MAF: variants seen among roughly 807,000 people sequenced by gnomAD.
MAF encodes MAF bZIP transcription factor, also known as transcription factor Maf.
In MAF, 10 loss-of-function variants were observed where a neutral mutation model predicts 22.0. The ratio of observed to expected loss-of-function variants is 0.45; its 90% confidence interval spans 0.28 to 0.77. The LOEUF (loss-of-function observed/expected upper bound fraction) is 0.77, where lower values mean the gene tolerates loss of function less well. Among genes scored for constraint, MAF ranks in the 30% least tolerant of loss-of-function variants. The pLI, the probability that MAF is intolerant of heterozygous loss-of-function variation, is 0.12. For synonymous variants in MAF, 337 were observed against 255.8 expected (o/e 1.32, Z -3.03); for missense variants, 544 against 548.4 (o/e 0.99, Z 0.08).
At chr16:79,303,839 G>A in the MAF span, among the ~76,000 whole-genome samples, 8 of 152,106 alleles carry the variant, frequency 5.3e-5, no homozygotes, top group African/African-American at 1.9e-4. Context: ...TTCATGTTTA[G>A]GATCTATCAA....
the MAF span, among the ~76,000 whole-genome samples, chr16:79,398,010 G>C: frequency 6.6e-6 from 1 of 152,218 alleles, no homozygotes; most frequent in Non-Finnish European, 1.5e-5. Flanking sequence ...GAGATCAGAA[G>C]TCTGACCTGG....
At chr16:79,386,111 A>G in the MAF span, among the ~76,000 whole-genome samples, 1 of 152,208 alleles carries the variant, frequency 6.6e-6, no homozygotes, top group Non-Finnish European at 1.5e-5. Context: ...TTTTGGCACC[A>G]GGGACTGGTT....
the MAF span, among the ~76,000 whole-genome samples, chr16:79,531,632 C>T: frequency 2.0e-5 from 3 of 152,052 alleles, no homozygotes; most frequent in Non-Finnish European, 2.9e-5. Context: ...CCCTTGCATA[C>T]GCAGTTCACA....
chr16:79,475,061 C>G, the MAF span, among the ~76,000 whole-genome samples: 2 of 152,200 alleles, frequency 1.3e-5, no homozygotes, highest in Non-Finnish European at 2.9e-5. Context: ...TTGGCCTCAC[C>G]AGGCATCCCG....
the MAF span, among the ~76,000 whole-genome samples, chr16:79,460,608 C>T: frequency 6.6e-6 from 1 of 152,120 alleles, no homozygotes; most frequent in African/African-American, 2.4e-5. Context: ...TTAATTCTTC[C>T]ATGCAATGTT....
chr16:79,407,084 G>T, the MAF span, among the ~76,000 whole-genome samples: 2 of 152,222 alleles, frequency 1.3e-5, no homozygotes, highest in East Asian at 3.9e-4. Context: ...ATGCGAGGTT[G>T]GCACCAGGGA....
chr16:79,543,828 A>G, the MAF span, among the ~76,000 whole-genome samples: 1 of 152,024 alleles, frequency 6.6e-6, no homozygotes, highest in Non-Finnish European at 1.5e-5. Context: ...CTGGGACTAC[A>G]GGCGCCTACC....
intron 1 of MAF, chr16:79,597,419 T>A (rs959449867): frequency 9.7e-7 from 1 of 1,030,466 alleles, no homozygotes; most frequent in Non-Finnish European, 1.2e-6. Context: ...TTTTAAAAAA[T>A]AAATTTTAGA....
chr16:79,353,872 C>T, the MAF span, among the ~76,000 whole-genome samples: 1 of 152,142 alleles, frequency 6.6e-6, no homozygotes, highest in Admixed American at 6.5e-5. Flanking sequence ...CACCTAAAGC[C>T]CTCCTTCAGT....
the MAF span, among the ~76,000 whole-genome samples, chr16:79,572,594 T>C: frequency 2.0e-5 from 3 of 152,230 alleles, no homozygotes; most frequent in Non-Finnish European, 4.4e-5. Context: ...AAATGAATTC[T>C]AGGCAGAAGT....
the MAF span, among the ~76,000 whole-genome samples, chr16:79,545,479 A>T: frequency 2.0e-5 from 3 of 152,000 alleles, no homozygotes; most frequent in Non-Finnish European, 4.4e-5. Context: ...TTGCATGCCT[A>T]TGAAGATGGA....
At chr16:79,543,670 CTTTTTCTTTTTTTT>C in the MAF span, among the ~76,000 whole-genome samples, 47 of 144,394 alleles carry the variant, frequency 3.3e-4, no homozygotes, top group Middle Eastern at 3.6e-3. Context: ...GCCCTCTTTT[CTTTTTCTTTTTTTT>C]TTTTTCTTTT....
chr16:79,599,324 G>T lies in MAF; in HGVS notation c.579C>A (p.His193Gln). The T allele has an allele frequency of 3.0e-6, 3 of 986,340 alleles. No individual in the cohort carries two copies. The highest frequency in any genetic ancestry group is 3.6e-6 in the Non-Finnish European group (3 of 832,188). 61.1% of individuals were successfully genotyped at this position (986,340 alleles called of 1,614,324 possible). A position where few individuals can be genotyped will look rare whatever the true frequency, so the allele number is the denominator to read the frequency against. ...CGCCGGGCGCGCCGGCCGTCGGGTGGTGGTGGTGGCCGGCGGCGTGGTGGT... is the reference window on the plus strand; with the variant it reads ...CGCCGGGCGCGCCGGCCGTCGGGTGTTGGTGGTGGCCGGCGGCGTGGTGGT... Reference protein sequence around the residue: ...HHHHHAAGHHHHPTAGAPGAA... With the variant: ...HHHHHAAGHHQHPTAGAPGAA... Residue 193 changes from histidine to glutamine, a missense_variant, in exon 1 of 2, where the codon CAC becomes CAA. Coordinates refer to ENST00000326043, the MANE Select transcript of MAF (RefSeq NM_005360.5).
chr16:79,549,649 C>T, the MAF span, among the ~76,000 whole-genome samples: 1 of 152,082 alleles, frequency 6.6e-6, no homozygotes, highest in African/African-American at 2.4e-5. Context: ...GAAAATGATC[C>T]CCGTTGGTTC....
the MAF span, among the ~76,000 whole-genome samples, chr16:79,528,892 G>A: frequency 6.6e-6 from 1 of 152,060 alleles, no homozygotes; most frequent in African/African-American, 2.4e-5. Context: ...CTTCCCTTTC[G>A]TCCCATCTAG....
At chr16:79,306,470 T>C in the MAF span, among the ~76,000 whole-genome samples, 1 of 152,160 alleles carries the variant, frequency 6.6e-6, no homozygotes, top group Non-Finnish European at 1.5e-5. Flanking sequence ...CCACGGAGCA[T>C]TGCTTGGCCT....
chr16:79,511,637 T>A, the MAF span, among the ~76,000 whole-genome samples: 1 of 152,236 alleles, frequency 6.6e-6, no homozygotes, highest in South Asian at 2.1e-4. Flanking sequence ...GCACTTAAGA[T>A]AATATGTATG....
At chr16:79,371,813 T>C in the MAF span, among the ~76,000 whole-genome samples, 1 of 152,202 alleles carries the variant, frequency 6.6e-6, no homozygotes, top group African/African-American at 2.4e-5. Flanking sequence ...GCTTTAGAGA[T>C]TGAAAGAATC....
the MAF span, among the ~76,000 whole-genome samples, chr16:79,407,537 T>C: frequency 6.6e-6 from 1 of 152,148 alleles, no homozygotes; most frequent in African/African-American, 2.4e-5. Flanking sequence ...GTTCCTGCAA[T>C]TGGGATTTAG....
Sources: gnomAD v4.1 joint callset for allele counts (sites outside exome capture counted in the v4.1 genomes callset) on GRCh38, gnomAD v4.1.1 for gene constraint, MANE v1.5 for transcripts, NCBI Gene and HGNC (gene_info 2026-07-23, HGNC 2026-07-21) for gene names.